The following GARNL3 variants were observed in gnomAD, a reference collection of about 807,000 sequenced individuals.
The protein encoded by GARNL3 is GTPase activating Rap/RanGAP domain like 3, also known as GTPase-activating Rap/Ran-GAP domain-like protein 3.
Under a neutral mutation model 125.0 loss-of-function variants are expected in GARNL3, and 63 were observed. That is an observed-to-expected ratio of 0.50 (90% CI 0.41 to 0.62). GARNL3 has a LOEUF of 0.62. Ranked by LOEUF, GARNL3 falls within the 20% of genes least tolerant of loss-of-function variation. The probability of loss-of-function intolerance (pLI) is 0.00; values close to 1 mark genes in which losing one functional copy is unlikely to be tolerated. For missense variants in GARNL3, 994 were observed against 1,244.0 expected (o/e 0.80, Z 3.02); for synonymous variants, 439 against 457.5 (o/e 0.96, Z 0.52).
chr9:127,288,838 C>T (rs975963804), intron 1 of GARNL3, among the ~76,000 whole-genome samples: 2 of 152,156 alleles, frequency 1.3e-5, no homozygotes, highest in Non-Finnish European at 2.9e-5. Context: ...CCCAAGCCTT[C>T]GACTCCTAGA....
At chr9:127,366,133 C>G (rs560328091) in intron 22 of GARNL3, among the ~76,000 whole-genome samples, 21 of 152,056 alleles carry the variant, frequency 1.4e-4, no homozygotes, top group African/African-American at 5.1e-4. Context: ...GTTTTTCGGC[C>G]TAGGATTTTA....
intron 21 of GARNL3, among the ~76,000 whole-genome samples, chr9:127,361,100 G>T (rs568590996): frequency 3.2e-4 from 48 of 152,342 alleles, no homozygotes; most frequent in African/African-American, 1.1e-3. Context: ...TCAGCTGGGG[G>T]CTGAGCCCAG....
chr9:127,381,098 C>T (rs748449739), intron 22 of GARNL3, among the ~76,000 whole-genome samples: 24 of 150,600 alleles, frequency 1.6e-4, no homozygotes, highest in Non-Finnish European at 2.8e-4. Flanking sequence ...AGGATGGCCT[C>T]GATCTCCTGA....
rs769152427 is a variant in GARNL3 at position 127,332,324 on chromosome 9, C to T, written c.645C>T (p.Leu215=). The T allele has an allele frequency of 1.2e-6, 2 of 1,613,942 alleles. No individual in the cohort carries two copies. The highest frequency in any genetic ancestry group is 1.7e-6 in the Non-Finnish European group (2 of 1,179,818). ...TTCTTTTTGCCAAAGATGGGCAGCT[C>T]ACTGATGATGAGATGTTCAGCAATG... ...FGVLFAKDGQ[L]TDDEMFSNEI... Residue 215 remains leucine, a synonymous_variant, in exon 8 of 28, where the codon CTC becomes CTT. Transcript: ENST00000373387.
intron 22 of GARNL3, chr9:127,369,034 A>G (rs1831457523): frequency 6.6e-6 from 1 of 152,130 alleles, no homozygotes; most frequent in Non-Finnish European, 1.5e-5. Flanking sequence ...TCCCAGCAGC[A>G]AGCACCAGCC....
rs1271085624 is a variant in GARNL3, at chr9:127,231,052, T to TATATATA, written c.-29+6714_-29+6715insATATATA. On this transcript the variant is annotated intron_variant, in intron 1 of 10. Transcript: ENST00000439286. ...TATATATACATATATATATATATAT[T>TATATATA]TTTTTTTTTTTTTTTTTTTTGAGAC... 5.8e-3 allele frequency among the ~76,000 whole-genome samples: 419 copies of TATATATA among 72,506 alleles called. 3 individuals carry two copies. Among genetic ancestry groups the TATATATA allele is most frequent in the Non-Finnish European group, 6.6e-3 (312 of 47,004 alleles). 47.6% of individuals were successfully genotyped at this position (72,506 alleles called of 152,430 possible). A position where few individuals can be genotyped will look rare whatever the true frequency, so the allele number is the denominator to read the frequency against.
rs1335888226 is a variant in GARNL3 at position 127,392,158 on chromosome 9, G to A, written c.2871-925G>A. ...GCAGGGAGGGTCTCAAACATCAGGG[G>A]AGGCTGAGCCTCCTCTCAGAAGTCA... On this transcript the variant is annotated intron_variant, in intron 27 of 27. Coordinates refer to ENST00000373387, the MANE Select transcript of GARNL3 (RefSeq NM_032293.5). The surrounding 1 kb of genome is among the most constrained non-coding windows in gnomAD (Gnocchi z 5.2). Among the ~76,000 whole-genome samples the A allele has an allele frequency of 6.6e-6, 1 of 152,226 alleles. No individual in the cohort carries two copies. Among genetic ancestry groups the A allele is most frequent in the Non-Finnish European group, 1.5e-5 (1 of 68,038 alleles).
At chr9:127,303,667 A>T (rs1267606357) in intron 2 of GARNL3, among the ~76,000 whole-genome samples, 1 of 152,258 alleles carries the variant, frequency 6.6e-6, no homozygotes, top group Non-Finnish European at 1.5e-5. Context: ...AATAGACTCT[A>T]TGAAAAATCA....
chr9:127,355,232 G>A, intron 19 of GARNL3, 65 bp from the exon 20 acceptor site: 1 of 1,415,094 alleles, frequency 7.1e-7, no homozygotes, highest in Non-Finnish European at 9.9e-7. Context: ...TTGCCAAATT[G>A]TCAAGGTCTG....
chr9:127,392,461 C>T lies in GARNL3; in HGVS notation c.2871-622C>T, dbSNP rs1467462817. On this transcript the variant is annotated intron_variant, in intron 27 of 27. Coordinates refer to ENST00000373387, the MANE Select transcript of GARNL3 (RefSeq NM_032293.5). This position sits in a 1 kb window ranked among gnomAD's most constrained non-coding sequence, Gnocchi z 5.2. ...CAGCAACTACCTCAGGGCAAGGGCC[C>T]CGAAGCAGGCCTAGCATGGCCAGTT... Among the ~76,000 whole-genome samples, 1 of 152,160 alleles carries T rather than the reference C, an allele frequency of 6.6e-6. No individual in the cohort carries two copies. The highest frequency in any genetic ancestry group is 1.5e-5 in the Non-Finnish European group (1 of 68,030).
intron 25 of GARNL3, chr9:127,388,402 C>T (rs1413665213): frequency 6.4e-6 from 1 of 155,628 alleles, no homozygotes; most frequent in African/African-American, 2.4e-5. Flanking sequence ...ATTTTTCCTT[C>T]AGGGCTGTTA....
chr9:127,372,277 A>G (rs1326982563), intron 22 of GARNL3, among the ~76,000 whole-genome samples: 1 of 152,202 alleles, frequency 6.6e-6, no homozygotes, highest in African/African-American at 2.4e-5. Context: ...ACATAAACAA[A>G]TTGGTGCAAT....
intron 22 of GARNL3, among the ~76,000 whole-genome samples, chr9:127,378,243 CAAA>C (rs386361566): frequency 2.8e-4 from 25 of 88,234 alleles, no homozygotes; most frequent in Admixed American, 3.8e-4. Flanking sequence ...GACTCTGTCT[CAAA>C]AAAAAAAAAA....
chr9:127,338,928 T>C (rs1024029177), intron 12 of GARNL3, among the ~76,000 whole-genome samples: 3 of 152,142 alleles, frequency 2.0e-5, no homozygotes, highest in African/African-American at 7.2e-5. Context: ...GCTGGATAAA[T>C]GGAAGGACAG....
chr9:127,313,938 G>T (rs1244529385), intron 4 of GARNL3, among the ~76,000 whole-genome samples: 1 of 152,054 alleles, frequency 6.6e-6, no homozygotes, highest in African/African-American at 2.4e-5. Flanking sequence ...GGGCTTATGA[G>T]ACCTAATGGT....
chr9:127,275,756 T>A (rs2063938902), intron 1 of GARNL3, among the ~76,000 whole-genome samples: 1 of 152,230 alleles, frequency 6.6e-6, no homozygotes, highest in African/African-American at 2.4e-5. Flanking sequence ...ATAAGTAATA[T>A]TTTTATATTG....
At chr9:127,253,602 C>T (rs7022447) in intron 2 of GARNL3, among the ~76,000 whole-genome samples, 2,525 of 152,072 alleles carry the variant, frequency 0.017, 82 homozygotes, top group African/African-American at 0.058. Context: ...TTGGAGGGAG[C>T]ATTCTAGGTG....
At chr9:127,323,015 G>C (rs765786985) in intron 6 of GARNL3, among the ~76,000 whole-genome samples, 1 of 152,100 alleles carries the variant, frequency 6.6e-6, no homozygotes. Flanking sequence ...AACCGGTAGA[G>C]CTAAATTTGA....
At chr9:127,336,579 A>T (rs1355753947) in intron 11 of GARNL3, among the ~76,000 whole-genome samples, 1 of 152,274 alleles carries the variant, frequency 6.6e-6, no homozygotes, top group Non-Finnish European at 1.5e-5. Flanking sequence ...TGCTTTAGGC[A>T]TAAAAACTTG....
Sources: allele counts gnomAD v4.1 joint callset (sites outside exome capture counted in the v4.1 genomes callset), GRCh38; gene constraint gnomAD v4.1.1; non-coding constraint Gnocchi (gnomAD v3.1); transcripts MANE v1.5; gene names NCBI Gene and HGNC (gene_info 2026-07-23, HGNC 2026-07-21).